The following ANKS1B variants were observed in gnomAD, a reference collection of about 807,000 sequenced individuals.
The protein encoded by ANKS1B is ankyrin repeat and sterile alpha motif domain-containing protein 1B.
Under a neutral mutation model 148.3 loss-of-function variants are expected in ANKS1B, and 36 were observed. That is an observed-to-expected ratio of 0.24 (90% CI 0.19 to 0.32). ANKS1B has a LOEUF of 0.32. ANKS1B is among the 10% of genes least tolerant of loss of function. The probability of loss-of-function intolerance (pLI) is 1.00; values close to 1 mark genes in which losing one functional copy is unlikely to be tolerated. For synonymous variants in ANKS1B, 542 were observed against 560.8 expected (o/e 0.97, Z 0.47); for missense variants, 1,157 against 1,542.6 (o/e 0.75, Z 4.19).
At chr12:99,374,964 G>C (rs547191203) in intron 12 of ANKS1B, among the ~76,000 whole-genome samples, 10 of 152,092 alleles carry the variant, frequency 6.6e-5, no homozygotes, top group Admixed American at 3.9e-4. Flanking sequence ...TAAATTTTCT[G>C]TTGTAAAGTA....
rs2099845388 is a variant in ANKS1B, at chr12:98,946,277, C to A, written c.2778+106880G>T. Among the ~76,000 whole-genome samples, 7 of 152,298 alleles carry A rather than the reference C, an allele frequency of 4.6e-5. No homozygotes were observed. In the South Asian group the frequency reaches 1.5e-3, roughly 32 times the overall value. On this transcript the variant is annotated intron_variant, in intron 17 of 26. Transcript: ENST00000683438. ...TTATAGATCTGATGAAGTAACTGTC[C>A]TAGAAGAATCACAGGGAGGTGGAGC...
At chr12:99,516,263 T>G (rs764146692) in intron 9 of ANKS1B, among the ~76,000 whole-genome samples, 2 of 152,158 alleles carry the variant, frequency 1.3e-5, no homozygotes, top group Non-Finnish European at 2.9e-5. Flanking sequence ...CAAACTTTTC[T>G]TATGGCAGTT....
chr12:99,097,327 G>C (rs1035701121), intron 15 of ANKS1B: 1 of 151,584 alleles, frequency 6.6e-6, no homozygotes, highest in African/African-American at 2.4e-5. Context: ...TTTTTTTTCA[G>C]TTTTGCAAAT....
intron 12 of ANKS1B, among the ~76,000 whole-genome samples, chr12:99,300,474 A>T (rs1373919342): frequency 6.6e-6 from 1 of 151,972 alleles, no homozygotes; most frequent in Admixed American, 6.6e-5. Context: ...ATTTGTAAAT[A>T]AGAAAAAAAA....
At chr12:99,250,970 G>C (rs934120551) in intron 12 of ANKS1B, among the ~76,000 whole-genome samples, 1 of 152,126 alleles carries the variant, frequency 6.6e-6, no homozygotes, top group Non-Finnish European at 1.5e-5. Context: ...CTGCAGATTT[G>C]GTGTCAGGAG....
chr12:99,907,486 G>A (rs1228909404), intron 1 of ANKS1B, among the ~76,000 whole-genome samples: 1 of 152,132 alleles, frequency 6.6e-6, no homozygotes, highest in African/African-American at 2.4e-5. Context: ...TTAATAAGGG[G>A]AGCAATATTG....
intron 1 of ANKS1B, among the ~76,000 whole-genome samples, chr12:99,827,695 C>T (rs1313274789): frequency 1.3e-5 from 2 of 152,106 alleles, no homozygotes; most frequent in Non-Finnish European, 2.9e-5. Flanking sequence ...CAATGACATG[C>T]TACTATATAA....
chr12:99,777,565 GTTT>G, intron 6 of ANKS1B, among the ~76,000 whole-genome samples: 1 of 151,876 alleles, frequency 6.6e-6, no homozygotes, highest in Non-Finnish European at 1.5e-5. Context: ...CTTCAGTTTT[GTTT>G]TTTTGTTTGT....
intron 1 of ANKS1B, among the ~76,000 whole-genome samples, chr12:99,979,160 G>A (rs1462892194): frequency 6.6e-6 from 1 of 151,956 alleles, no homozygotes; most frequent in Non-Finnish European, 1.5e-5. Flanking sequence ...AAGAAAAGGA[G>A]GGAGGCAACT....
intron 11 of ANKS1B, among the ~76,000 whole-genome samples, chr12:99,433,039 A>G (rs1477392198): frequency 6.6e-6 from 1 of 152,210 alleles, no homozygotes; most frequent in Admixed American, 6.5e-5. Flanking sequence ...GAGCACAATA[A>G]TCAATGCCAG....
intron 17 of ANKS1B, among the ~76,000 whole-genome samples, chr12:98,890,722 C>G (rs977264064): frequency 6.6e-6 from 1 of 152,210 alleles, no homozygotes; most frequent in African/African-American, 2.4e-5. Flanking sequence ...TTGAACTATA[C>G]TTTGAAAATG....
Position 99,295,893 on chromosome 12 carries a change from T to G in ANKS1B, c.1757-49029A>C, listed in dbSNP as rs957622475. Among the ~76,000 whole-genome samples, 3 of 152,180 alleles carry G rather than the reference T, an allele frequency of 2.0e-5. No individual in the cohort carries two copies. In the East Asian group the frequency reaches 5.8e-4, roughly 29 times the overall value. On this transcript the variant is annotated intron_variant, in intron 12 of 26. Coordinates refer to ENST00000683438, the MANE Select transcript of ANKS1B (RefSeq NM_001352186.2). ...CTGTTCCTGTGTTAGTTTGCTAAGGTGTCATTTTTAAGAAATCTTTGCCTA... is the reference window on the plus strand; with the variant it reads ...CTGTTCCTGTGTTAGTTTGCTAAGGGGTCATTTTTAAGAAATCTTTGCCTA...
At chr12:99,641,015 T>C (rs1598642384) in intron 9 of ANKS1B, among the ~76,000 whole-genome samples, 1 of 152,306 alleles carries the variant, frequency 6.6e-6, no homozygotes, top group East Asian at 1.9e-4. Flanking sequence ...GCCTTAGAAA[T>C]AACCACTATA....
chr12:98,757,634 A>T (rs529502279), intron 25 of ANKS1B, among the ~76,000 whole-genome samples: 23 of 152,170 alleles, frequency 1.5e-4, no homozygotes, highest in Non-Finnish European at 2.6e-4. Flanking sequence ...TGCTGGCTCA[A>T]ACCACTGTGC....
chr12:99,014,726 C>G (rs896919260), intron 17 of ANKS1B, among the ~76,000 whole-genome samples: 1 of 152,146 alleles, frequency 6.6e-6, no homozygotes, highest in Non-Finnish European at 1.5e-5. Context: ...TGAACAGATA[C>G]TTTTCAAAAG....
At chr12:99,778,486 C>T (rs1286376495) in intron 6 of ANKS1B, among the ~76,000 whole-genome samples, 2 of 102,772 alleles carry the variant, frequency 1.9e-5, no homozygotes, top group Non-Finnish European at 3.7e-5. Context: ...CCAGCCTAGG[C>T]AATAAGAGCA....
chr12:99,320,012 T>C (rs1035571783), intron 12 of ANKS1B, among the ~76,000 whole-genome samples: 1 of 152,250 alleles, frequency 6.6e-6, no homozygotes, highest in Non-Finnish European at 1.5e-5. Flanking sequence ...GAATGTTGAA[T>C]ATTGGCCCCC....
At chr12:99,011,435 C>A (rs2099939360) in intron 17 of ANKS1B, among the ~76,000 whole-genome samples, 1 of 152,098 alleles carries the variant, frequency 6.6e-6, no homozygotes, top group African/African-American at 2.4e-5. Context: ...CAAACACTTG[C>A]TAGTTGAAGG....
intron 1 of ANKS1B, among the ~76,000 whole-genome samples, chr12:99,871,526 A>G (rs1258100246): frequency 6.6e-6 from 1 of 152,150 alleles, no homozygotes. Context: ...AATAATATTG[A>G]TTCTTCCAAT....
Sources: allele counts gnomAD v4.1 joint callset (sites outside exome capture counted in the v4.1 genomes callset), GRCh38; gene constraint gnomAD v4.1.1; transcripts MANE v1.5; gene names NCBI Gene and HGNC (gene_info 2026-07-23, HGNC 2026-07-21).